LYST: variants seen among roughly 807,000 people sequenced by gnomAD.
The protein encoded by LYST is lysosomal-trafficking regulator.
LYST carries 192 observed loss-of-function variants against 413.6 expected under a neutral mutation model. That is an observed-to-expected ratio of 0.46 (90% CI 0.41 to 0.52). The LOEUF (loss-of-function observed/expected upper bound fraction) is 0.52, where lower values mean the gene tolerates loss of function less well. Among genes scored for constraint, LYST ranks in the 20% least tolerant of loss-of-function variants. The pLI is 0.00. For missense variants in LYST, 3,815 were observed against 4,499.9 expected (o/e 0.85, Z 4.35); for synonymous variants, 1,525 against 1,567.3 (o/e 0.97, Z 0.64).
intron 2 of LYST, 134 bp from the exon 3 acceptor site, chr1:235,830,558 T>G (rs1251297788): frequency 2.8e-6 from 2 of 715,040 alleles, no homozygotes; most frequent in Non-Finnish European, 4.6e-6. Context: ...CTTAACCCTA[T>G]AATATTTTCA....
chr1:235,806,182 C>A lies in LYST; in HGVS notation c.2954G>T (p.Gly985Val). The A allele has an allele frequency of 6.2e-7, 1 of 1,613,826 alleles. No individual in the cohort carries two copies. The highest frequency in any genetic ancestry group is 1.1e-5 in the South Asian group (1 of 91,084). ...TAACTTATGGCATACTCGGAAACCACCAAGCCTATAAAACTGTTTCTGGAA... is the reference window on the plus strand; with the variant it reads ...TAACTTATGGCATACTCGGAAACCAACAAGCCTATAAAACTGTTTCTGGAA... Reference protein sequence around the residue: ...SVFQKQFYRLGGFRVCHKLIF... With the variant: ...SVFQKQFYRLVGFRVCHKLIF... The change falls in exon 6 of 53, where the codon GGT becomes GTT. Residue 985 changes from glycine to valine, a missense_variant. This residue lies in a region of LYST where 1,648 missense variants were observed against 1,810.3 expected (regional missense o/e 0.91). Transcript: ENST00000389793.
At chr1:235,870,775 G>A (rs1026661502), upstream of LYST, among the ~76,000 whole-genome samples, 1 of 152,080 alleles carries the variant, frequency 6.6e-6, no homozygotes, top group Non-Finnish European at 1.5e-5. Flanking sequence ...AACAGTGCCT[G>A]GCACTTAGTA....
chr1:235,714,974 TA>T (rs1244092185), intron 42 of LYST, among the ~76,000 whole-genome samples: 1 of 152,240 alleles, frequency 6.6e-6, no homozygotes, highest in Non-Finnish European at 1.5e-5. Flanking sequence ...TGCATTTTTA[TA>T]AACTTAGACA....
chr1:235,748,410 TA>T (rs1299591254), intron 28 of LYST, among the ~76,000 whole-genome samples: 4 of 152,118 alleles, frequency 2.6e-5, no homozygotes, highest in African/African-American at 9.7e-5. Context: ...TGTTTATCTA[TA>T]AAAGTTACAG....
At chr1:235,792,566 C>T (rs1407398965) in intron 11 of LYST, among the ~76,000 whole-genome samples, 1 of 151,834 alleles carries the variant, frequency 6.6e-6, no homozygotes, top group African/African-American at 2.4e-5. Context: ...CCACCCACCT[C>T]GGCCTCCCAA....
At chr1:235,720,030 G>A (rs961966150) in intron 40 of LYST, among the ~76,000 whole-genome samples, 2 of 151,758 alleles carry the variant, frequency 1.3e-5, no homozygotes, top group Admixed American at 6.6e-5. Flanking sequence ...ACAAAAATTA[G>A]TTGGGCATGG....
intron 3 of LYST, among the ~76,000 whole-genome samples, chr1:235,829,189 C>A (rs146127165): frequency 1.3e-5 from 2 of 152,074 alleles, no homozygotes; most frequent in South Asian, 4.1e-4. Context: ...GGCGACAGAG[C>A]GAGACTCTGT....
intron 10 of LYST, among the ~76,000 whole-genome samples, chr1:235,797,618 T>C (rs2102797925): frequency 6.6e-6 from 1 of 152,284 alleles, no homozygotes; most frequent in South Asian, 2.1e-4. Flanking sequence ...TAACACCGTA[T>C]ACAAAATTTA....
intron 31 of LYST, chr1:235,735,496 G>A (rs1290926332): frequency 2.0e-5 from 3 of 152,158 alleles, no homozygotes; most frequent in East Asian, 1.9e-4. Context: ...TAAACCAAAC[G>A]TTCATTCACG....
intron 29 of LYST, 60 bp downstream of exon 29, chr1:235,746,276 T>C (rs1022333121): frequency 6.8e-6 from 10 of 1,476,350 alleles, no homozygotes; most frequent in African/African-American, 2.8e-5. Context: ...AGTTTCCTCT[T>C]AGATTACTTC....
chr1:235,823,034 A>G (rs111604388), intron 3 of LYST, among the ~76,000 whole-genome samples: 4 of 152,332 alleles, frequency 2.6e-5, no homozygotes, highest in African/African-American at 7.2e-5. Context: ...AGAACTGCCA[A>G]CTCAACAGAA....
Position 235,664,707 on chromosome 1 carries a change from G to A in LYST, c.11039-86C>T. On this transcript the variant is annotated intron_variant, in intron 50 of 52. Coordinates refer to ENST00000389793, the MANE Select transcript of LYST (RefSeq NM_000081.4). This position sits in a 1 kb window ranked among gnomAD's most constrained non-coding sequence, Gnocchi z 4.5. ...GGCCCCAGAAGGGCAACCCTGAAGGGCAAGCTCATTTGTTTATTGATGAAG... is the reference window on the plus strand; with the variant it reads ...GGCCCCAGAAGGGCAACCCTGAAGGACAAGCTCATTTGTTTATTGATGAAG... 8.3e-7 allele frequency: 1 copy of A among 1,199,432 alleles called. No individual in the cohort carries two copies. The highest frequency in any genetic ancestry group is 1.2e-6 in the Non-Finnish European group (1 of 810,980). 74.3% of individuals were successfully genotyped at this position (1,199,432 alleles called of 1,614,324 possible).
At position 235,809,314 on chromosome 1, in the gene LYST, T is replaced by G. The variant is rs202138033; in HGVS notation, c.1504A>C (p.Arg502=). 1.2e-6 allele frequency: 2 copies of G among 1,614,144 alleles called. No individual in the cohort carries two copies. Among genetic ancestry groups the G allele is most frequent in the Non-Finnish European group, 8.5e-7 (1 of 1,179,990 alleles). ...ATAAAATGAGAATATTCACATCGTC[T>G]GTGCCTTTTTCTTGTACACATCGAA... is the stretch of plus-strand genomic sequence containing the variant. ...HHSMCTRKRH[R]RCEYSHFMHH... is the part of the protein sequence containing the mutation. The change falls in exon 5 of 53, where the codon AGA becomes CGA. Residue 502 remains arginine, a synonymous_variant. Coordinates refer to ENST00000389793, the MANE Select transcript of LYST (RefSeq NM_000081.4). This position sits in a 1 kb window ranked among gnomAD's most constrained non-coding sequence, Gnocchi z 4.0.
chr1:235,713,046 CA>C, intron 42 of LYST: 1 of 985,410 alleles, frequency 1.0e-6, no homozygotes, highest in Non-Finnish European at 1.2e-6. Context: ...GAGACTGCCA[CA>C]AACACATCGC....
Position 235,809,169 on chromosome 1 carries a change from A to G in LYST, c.1649T>C (p.Ile550Thr), listed in dbSNP as rs1391028695. 1 of 1,614,108 alleles carries G rather than the reference A, an allele frequency of 6.2e-7. No homozygotes were observed. The highest frequency in any genetic ancestry group is 8.5e-7 in the Non-Finnish European group (1 of 1,179,984). ...CAAGCACTGATGGGCACACACTGCA[A>G]TGCAACAGCACCGCTCAGGATAATA... ...DVYYPERCCC[I>T]AVCAHQCLRL... Residue 550 changes from isoleucine (I) to threonine (T), a missense_variant, in exon 5 of 53, where the codon ATT becomes ACT. This residue lies in a region of LYST where 1,648 missense variants were observed against 1,810.3 expected (regional missense o/e 0.91). Coordinates refer to ENST00000389793, the MANE Select transcript of LYST (RefSeq NM_000081.4). This position sits in a 1 kb window ranked among gnomAD's most constrained non-coding sequence, Gnocchi z 4.0.
intron 40 of LYST, among the ~76,000 whole-genome samples, chr1:235,720,164 A>C (rs1436219744): frequency 8.3e-6 from 1 of 120,500 alleles, no homozygotes; most frequent in African/African-American, 3.5e-5. Flanking sequence ...ACAGAGTGAG[A>C]CTCTGTCTCA....
chr1:235,788,419 CT>C (rs1262797249), intron 13 of LYST, among the ~76,000 whole-genome samples: 7 of 151,966 alleles, frequency 4.6e-5, no homozygotes, highest in African/African-American at 1.7e-4. Context: ...AACTCCTGAC[CT>C]CAGGTGATCT....
chr1:235,787,619 A>C (rs562670421), intron 13 of LYST, among the ~76,000 whole-genome samples: 27 of 152,266 alleles, frequency 1.8e-4, no homozygotes, highest in African/African-American at 6.5e-4. Flanking sequence ...TTTAGGCAAT[A>C]ATGTTCAGAA....
At chr1:235,754,681 T>C (rs1396952731) in intron 25 of LYST, among the ~76,000 whole-genome samples, 1 of 152,194 alleles carries the variant, frequency 6.6e-6, no homozygotes, top group African/African-American at 2.4e-5. Flanking sequence ...ATATGGCAAA[T>C]AATACATTGA....
Sources: gnomAD v4.1 joint callset for allele counts (sites outside exome capture counted in the v4.1 genomes callset) on GRCh38, gnomAD v4.1.1 for gene constraint, gnomAD v4.1.1 regional missense constraint, Gnocchi (gnomAD v3.1) non-coding constraint, MANE v1.5 for transcripts, NCBI Gene and HGNC (gene_info 2026-07-23, HGNC 2026-07-21) for gene names.